Variants in TUT4 observed in about 807,000 individuals in gnomAD.
The protein encoded by TUT4 is terminal uridylyl transferase 4, also known as terminal uridylyltransferase 4.
In TUT4, 36 loss-of-function variants were observed where a neutral mutation model predicts 192.2. The observed-to-expected ratio is 0.19, with a 90% confidence interval of 0.14 to 0.25. TUT4 has a LOEUF of 0.25. Among genes scored for constraint, TUT4 ranks in the 10% least tolerant of loss-of-function variants. TUT4 has a pLI of 1.00. For synonymous variants in TUT4, 618 were observed against 666.0 expected, an observed-to-expected ratio of 0.93 and a Z score of 1.11; for missense variants, 1,493 against 1,957.2, an observed-to-expected ratio of 0.76 and a Z score of 4.47.
chr1:52,552,031 A>G (rs1410912330), intron 1 of TUT4, among the ~76,000 whole-genome samples: 1 of 152,366 alleles, frequency 6.6e-6, no homozygotes, highest in East Asian at 1.9e-4. Flanking sequence ...TCAAATGTGT[A>G]AGGAACTACT....
At chr1:52,476,791 T>G (rs114676946) in intron 12 of TUT4, among the ~76,000 whole-genome samples, 2 of 152,204 alleles carry the variant, frequency 1.3e-5, no homozygotes, top group Non-Finnish European at 2.9e-5. Context: ...GAACTCACAG[T>G]AGAGAAGGCC....
At chr1:52,465,248 C>G in intron 15 of TUT4, 75 bp from the exon 16 acceptor site, 1 of 922,594 alleles carries the variant, frequency 1.1e-6, no homozygotes, top group Admixed American at 2.5e-5. Context: ...TGCTGATGAC[C>G]TAATACAACA....
rs904218086 is a variant in TUT4, at chr1:52,475,053, T to A, written c.2506A>T (p.Ile836Phe). The A allele has an allele frequency of 1.9e-6, 3 of 1,614,062 alleles. No homozygotes were observed. The African/African-American group carries it at 4.0e-5, about 22-fold the overall frequency. Residue 836 changes from isoleucine (I) to phenylalanine (F), a missense_variant, in exon 13 of 30, where the codon ATT becomes TTT. By Grantham distance (21) the Ile-to-Phe change is conservative. Coordinates refer to ENST00000257177, the MANE Select transcript of TUT4 (RefSeq NM_001009881.3). ...GGGTCAGGCGACTTAGACAAATCAA[T>A]GCAATTACATTGGCTGAGCTCTTTT... ...LKKELSQCNC[I>F]DLSKSPDPDK...
chr1:52,541,208 T>TAA (rs548079594), intron 1 of TUT4, among the ~76,000 whole-genome samples: 79 of 84,598 alleles, frequency 9.3e-4, no homozygotes, highest in African/African-American at 3.1e-3. Flanking sequence ...GACTCTGTCT[T>TAA]AAAAAAAAAA....
intron 20 of TUT4, among the ~76,000 whole-genome samples, chr1:52,456,677 T>G (rs1661075612): frequency 2.0e-5 from 3 of 152,052 alleles, no homozygotes. Flanking sequence ...GATTAGTGGT[T>G]GCCAGGGGTT....
chr1:52,426,152 T>C (rs1041568389), intron 28 of TUT4, among the ~76,000 whole-genome samples: 3 of 152,182 alleles, frequency 2.0e-5, no homozygotes, highest in Admixed American at 1.3e-4. Flanking sequence ...GCTTGAGGCA[T>C]TGTGGCATAA....
At chr1:52,550,758 G>C (rs1226096587) in intron 1 of TUT4, among the ~76,000 whole-genome samples, 3 of 152,104 alleles carry the variant, frequency 2.0e-5, no homozygotes, top group African/African-American at 7.2e-5. Context: ...ACTTCCCAAA[G>C]TGCTGAGATT....
intron 3 of TUT4, chr1:52,515,134 G>A (rs1207925962): frequency 1.3e-5 from 2 of 152,192 alleles, no homozygotes; most frequent in Non-Finnish European, 2.9e-5. Flanking sequence ...GGCCAGGAAT[G>A]TGTATTTCTA....
intron 20 of TUT4, among the ~76,000 whole-genome samples, chr1:52,455,652 G>A (rs1292667652): frequency 7.0e-6 from 1 of 141,882 alleles, no homozygotes; most frequent in Non-Finnish European, 1.5e-5. Flanking sequence ...GGAAGGGAGG[G>A]GAGGGCAGGG....
chr1:52,497,319 A>C, intron 4 of TUT4, 136 bp from the exon 5 acceptor site: 2 of 853,462 alleles, frequency 2.3e-6, no homozygotes, highest in Non-Finnish European at 3.4e-6. Flanking sequence ...TACCTACAAT[A>C]CGGAAGTGAA....
intron 4 of TUT4, among the ~76,000 whole-genome samples, chr1:52,498,741 G>A (rs1384025150): frequency 2.0e-5 from 3 of 150,920 alleles, no homozygotes; most frequent in East Asian, 2.0e-4. Context: ...ACAAAAATTA[G>A]GTGGGCATAG....
intron 1 of TUT4, among the ~76,000 whole-genome samples, chr1:52,543,787 C>T (rs1418635581): frequency 6.6e-6 from 1 of 151,766 alleles, no homozygotes; most frequent in Non-Finnish European, 1.5e-5. Context: ...CCTGGCCTTA[C>T]TGTTGTTAAA....
At position 52,537,641 on chromosome 1, in the gene TUT4, G is replaced by A. The variant is rs61319807; in HGVS notation, c.-93-11268C>T. Among the ~76,000 whole-genome samples the A allele has an allele frequency of 4.4e-3, 666 of 152,292 alleles. 3 individuals carry two copies. Among genetic ancestry groups the A allele is most frequent in the African/African-American group, 0.015 (631 of 41,568 alleles). Reference sequence around the variant, plus strand: ...TAAACTAATTTGACTGGCTCAGCGCGGTGGCTCATGCCTGTAATCTCAGCA... The same window carrying A: ...TAAACTAATTTGACTGGCTCAGCGCAGTGGCTCATGCCTGTAATCTCAGCA... On this transcript the variant is annotated intron_variant, in intron 1 of 29. Coordinates refer to ENST00000257177, the MANE Select transcript of TUT4 (RefSeq NM_001009881.3).
chr1:52,479,989 C>T (rs188418349), intron 11 of TUT4, among the ~76,000 whole-genome samples: 22 of 138,584 alleles, frequency 1.6e-4, no homozygotes, highest in African/African-American at 6.2e-4. Context: ...AGCGAGACTC[C>T]GTCTCAGGAA....
chr1:52,513,188 C>T (rs1256114928), intron 3 of TUT4, among the ~76,000 whole-genome samples: 1 of 146,070 alleles, frequency 6.8e-6, no homozygotes, highest in East Asian at 2.0e-4. Flanking sequence ...AAACTCAGCA[C>T]GTTGGGAGGC....
At position 52,448,588 on chromosome 1, in the gene TUT4, CAAAAAA is replaced by C. The variant is rs1190767355; in HGVS notation, c.3436-1927_3436-1922del. ...TGGGTGACTAAGCGAGATTCTGTCT[CAAAAAA>C]AAAAAAAAAAAAAAAAAAAGAGGCA... is the stretch of plus-strand genomic sequence containing the variant. On this transcript the variant is annotated intron_variant, in intron 20 of 29. Coordinates refer to ENST00000257177, the MANE Select transcript of TUT4 (RefSeq NM_001009881.3). Among the ~76,000 whole-genome samples, 9 of 40,806 alleles carry C rather than the reference CAAAAAA, an allele frequency of 2.2e-4. No homozygotes were observed. The South Asian group carries it at 7.2e-3, about 33-fold the overall frequency. The allele number at this position is 40,806 out of a possible 152,430, so 26.8% of individuals were successfully genotyped here.
Position 52,520,422 on chromosome 1 carries a change from T to G in TUT4, c.719-4368A>C, listed in dbSNP as rs72903697. 3.4e-3 allele frequency among the ~76,000 whole-genome samples: 512 copies of G among 152,298 alleles called. 4 individuals are homozygous for G. Among genetic ancestry groups the G allele is most frequent in the African/African-American group, 0.011 (475 of 41,548 alleles). On this transcript the variant is annotated intron_variant, in intron 2 of 29. Transcript: ENST00000257177. ...GTAAGATGAGTTGGTGCAGGCTGCT[T>G]GAAAGCATTATCTTGACCAGCAGCA...
intron 1 of TUT4, among the ~76,000 whole-genome samples, chr1:52,552,591 A>C (rs1689754152): frequency 1.3e-5 from 2 of 152,228 alleles, no homozygotes; most frequent in South Asian, 4.1e-4. Flanking sequence ...CAATCCCGTT[A>C]ACTCAAAATC....
At chr1:52,510,298 G>C (rs1190416208) in intron 3 of TUT4, among the ~76,000 whole-genome samples, 1 of 119,708 alleles carries the variant, frequency 8.4e-6, no homozygotes. Context: ...CTGGGCAACA[G>C]AGCAAGACTT....
Sources: allele counts gnomAD v4.1 joint callset (sites outside exome capture counted in the v4.1 genomes callset), GRCh38; gene constraint gnomAD v4.1.1; transcripts MANE v1.5; gene names NCBI Gene and HGNC (gene_info 2026-07-23, HGNC 2026-07-21).